The following ERG variants were observed in gnomAD, a reference collection of about 807,000 sequenced individuals.
ERG encodes the protein ETS transcription factor ERG.
Under a neutral mutation model 55.3 loss-of-function variants are expected in ERG, and 9 were observed. The observed-to-expected ratio is 0.16, with a 90% confidence interval of 0.10 to 0.28. The LOEUF is 0.28. ERG is among the 10% of genes least tolerant of loss of function. The probability of loss-of-function intolerance (pLI) is 1.00; values close to 1 mark genes in which losing one functional copy is unlikely to be tolerated. For missense variants in ERG, 434 were observed against 631.6 expected (o/e 0.69, Z 3.35); for synonymous variants, 223 against 237.3 (o/e 0.94, Z 0.55).
At chr21:38,432,378 G>A (rs1990255193) in intron 2 of ERG, among the ~76,000 whole-genome samples, 1 of 152,210 alleles carries the variant, frequency 6.6e-6, no homozygotes, top group Admixed American at 6.5e-5. Context: ...GCAGGCATGA[G>A]CTGCTGCACT....
At chr21:38,579,126 C>G (rs2060012692) in intron 1 of ERG, among the ~76,000 whole-genome samples, 1 of 152,192 alleles carries the variant, frequency 6.6e-6, no homozygotes, top group Admixed American at 6.5e-5. Context: ...ACTGAATTCT[C>G]ACTTCACATG....
At chr21:38,442,382 G>A (rs964250088) in intron 2 of ERG, among the ~76,000 whole-genome samples, 1 of 152,128 alleles carries the variant, frequency 6.6e-6, no homozygotes, top group Non-Finnish European at 1.5e-5. Flanking sequence ...GTAAAAAAGA[G>A]CAAAACTCCA....
At chr21:38,416,669 G>A (rs1989294530) in intron 3 of ERG, among the ~76,000 whole-genome samples, 1 of 152,216 alleles carries the variant, frequency 6.6e-6, no homozygotes, top group Non-Finnish European at 1.5e-5. Context: ...ATTTAAGTAA[G>A]TATATACATG....
At chr21:38,518,806 T>C (rs1367030992) in intron 2 of ERG, among the ~76,000 whole-genome samples, 1 of 151,918 alleles carries the variant, frequency 6.6e-6, no homozygotes, top group Non-Finnish European at 1.5e-5. Context: ...AGAAAAAAAT[T>C]AGGAACTTAA....
intron 3 of ERG, among the ~76,000 whole-genome samples, chr21:38,407,060 TAATACAAC>T (rs1988806862): frequency 6.6e-6 from 1 of 152,186 alleles, no homozygotes; most frequent in African/African-American, 2.4e-5. Flanking sequence ...AACAACACAA[TAATACAAC>T]AATACAACAC....
chr21:38,387,879 G>T (rs1987774490), intron 9 of ERG, among the ~76,000 whole-genome samples: 1 of 152,214 alleles, frequency 6.6e-6, no homozygotes, highest in African/African-American at 2.4e-5. Context: ...CGAAATTGGA[G>T]CTTAGAGAGG....
At chr21:38,558,567 G>A (rs1021620380) in intron 2 of ERG, among the ~76,000 whole-genome samples, 1 of 152,188 alleles carries the variant, frequency 6.6e-6, no homozygotes, top group Non-Finnish European at 1.5e-5. Context: ...TCTTTGAATA[G>A]TAAATGGCAA....
At chr21:38,515,443 C>A (rs1038440847) in intron 2 of ERG, among the ~76,000 whole-genome samples, 10 of 151,776 alleles carry the variant, frequency 6.6e-5, no homozygotes, top group African/African-American at 2.4e-4. Context: ...AATCTCCCAA[C>A]AAAGAAAAGT....
intron 1 of ERG, among the ~76,000 whole-genome samples, chr21:38,465,548 C>T (rs1352252868): frequency 6.6e-6 from 1 of 152,172 alleles, no homozygotes; most frequent in Non-Finnish European, 1.5e-5. Context: ...ATGTAAACTA[C>T]AGGCACTGGG....
chr21:38,625,041 T>C (rs192727518), intron 1 of ERG, among the ~76,000 whole-genome samples: 5 of 152,318 alleles, frequency 3.3e-5, no homozygotes, highest in Admixed American at 6.5e-5. Context: ...CAAAAGACAA[T>C]GTGCTGTCAT....
At position 38,578,549 on chromosome 21, in the gene ERG, G is replaced by T. The variant is rs75432144; in HGVS notation, c.-126-2802C>A. The stretch of plus-strand genomic sequence containing the variant: ...CAGATCCTAGCTGAAGCCTCAGGAG[G>T]CAGGACATGTTCCCCTTTGCTTTTC... On this transcript the variant is annotated intron_variant, in intron 1 of 8. Coordinates refer to the ERG transcript ENST00000398897. Among the ~76,000 whole-genome samples the T allele has an allele frequency of 2.6e-4, 40 of 152,270 alleles. 1 individual carries two copies. In the East Asian group the frequency reaches 7.7e-3, roughly 29 times the overall value.
At chr21:38,505,781 T>C (rs2059456056) in intron 2 of ERG, among the ~76,000 whole-genome samples, 1 of 152,188 alleles carries the variant, frequency 6.6e-6, no homozygotes, top group Non-Finnish European at 1.5e-5. Context: ...CCTAAAGAAC[T>C]ACACTGCATT....
chr21:38,505,495 C>T (rs1461258921), intron 2 of ERG, among the ~76,000 whole-genome samples: 1 of 152,186 alleles, frequency 6.6e-6, no homozygotes, highest in African/African-American at 2.4e-5. Flanking sequence ...AATGCACCGA[C>T]CTGAACTGAA....
intron 2 of ERG, among the ~76,000 whole-genome samples, chr21:38,551,443 C>T (rs2059823812): frequency 6.6e-6 from 1 of 152,064 alleles, no homozygotes; most frequent in Admixed American, 6.6e-5. Flanking sequence ...TGACATTAGG[C>T]TGTTAATTTA....
chr21:38,511,539 A>G (rs568308086), intron 2 of ERG, among the ~76,000 whole-genome samples: 1 of 152,356 alleles, frequency 6.6e-6, no homozygotes, highest in East Asian at 1.9e-4. Flanking sequence ...TTGGGTGGTA[A>G]GATGTAAAGC....
chr21:38,379,419 CA>C (rs1420385056), downstream of ERG, among the ~76,000 whole-genome samples: 3 of 152,190 alleles, frequency 2.0e-5, no homozygotes, highest in Non-Finnish European at 4.4e-5. Flanking sequence ...GAAGTCATAT[CA>C]GGATGAAATT....
chr21:38,554,652 T>A (rs937290349), intron 2 of ERG, among the ~76,000 whole-genome samples: 1 of 152,054 alleles, frequency 6.6e-6, no homozygotes, highest in Non-Finnish European at 1.5e-5. Flanking sequence ...AATGGAATGA[T>A]AGACACCAGG....
At chr21:38,648,009 A>G (rs1331719017) in intron 1 of ERG, among the ~76,000 whole-genome samples, 3 of 152,380 alleles carry the variant, frequency 2.0e-5, no homozygotes, top group Admixed American at 6.5e-5. Flanking sequence ...ATCTTATTTC[A>G]TGTTAAGTGT....
At chr21:38,514,805 A>T (rs963204346) in intron 2 of ERG, among the ~76,000 whole-genome samples, 6 of 151,920 alleles carry the variant, frequency 3.9e-5, no homozygotes, top group African/African-American at 1.2e-4. Context: ...AGTAAATAAA[A>T]CTTTATTTAC....
Sources: allele counts gnomAD v4.1 joint callset (sites outside exome capture counted in the v4.1 genomes callset), GRCh38; gene constraint gnomAD v4.1.1; transcripts MANE v1.5; gene names NCBI Gene and HGNC (gene_info 2026-07-23, HGNC 2026-07-21).